Variants in PCDHGB4 observed in about 807,000 individuals in gnomAD.
PCDHGB4 encodes the protein protocadherin gamma-B4.
PCDHGB4 carries 38 observed loss-of-function variants against 60.5 expected under a neutral mutation model. That is an observed-to-expected ratio of 0.63 (90% CI 0.48 to 0.82). PCDHGB4 has a LOEUF of 0.82. Ranked by LOEUF, PCDHGB4 falls within the 40% of genes least tolerant of loss-of-function variation. The pLI, the probability that PCDHGB4 is intolerant of heterozygous loss-of-function variation, is 0.00. For missense variants in PCDHGB4, 1,109 were observed against 1,209.6 expected (o/e 0.92, Z 1.23); for synonymous variants, 456 against 509.7 (o/e 0.89, Z 1.42).
At chr5:141,473,942 G>A (rs1419813166) in intron 1 of PCDHGB4, among the ~76,000 whole-genome samples, 3 of 152,124 alleles carry the variant, frequency 2.0e-5, no homozygotes, top group Non-Finnish European at 2.9e-5. Flanking sequence ...AGTAGCTCAG[G>A]CCTGTAGTCC....
At position 141,477,498 on chromosome 5, in the gene PCDHGB4, C is replaced by T. The variant is rs754212608; in HGVS notation, c.2398-17309C>T. ...AACCCTCCACAATCTTCTCAATCTT[C>T]CTACGACGTTTACATTGAAGAAAAC... On this transcript the variant is annotated intron_variant, in intron 1 of 3. Coordinates refer to ENST00000519479, the MANE Select transcript of PCDHGB4 (RefSeq NM_003736.4). The surrounding 1 kb of genome is among the most constrained non-coding windows in gnomAD (Gnocchi z 4.9). 3.7e-6 allele frequency: 6 copies of T among 1,614,038 alleles called. No individual in the cohort carries two copies. The highest frequency in any genetic ancestry group is 5.1e-6 in the Non-Finnish European group (6 of 1,180,038).
intron 2 of PCDHGB4, among the ~76,000 whole-genome samples, chr5:141,498,949 AAGAG>A (rs1417276243): frequency 1.3e-4 from 18 of 133,552 alleles, no homozygotes; most frequent in African/African-American, 1.9e-4. Context: ...AAGAAAGAAA[AAGAG>A]AGAGAGGGAG....
rs545261528 is a variant in PCDHGB4 at position 141,404,038 on chromosome 5, G to C, written c.2397+13757G>C. 4.3e-6 allele frequency: 7 copies of C among 1,613,858 alleles called. No individual in the cohort carries two copies. The African/African-American group carries it at 8.0e-5, about 18-fold the overall frequency. ...GCCCAGTGAGAGAAGACGCACCTCA[G>C]GGAACAGTAATTCTTCTTTTCAATG... On this transcript the variant is annotated intron_variant, in intron 1 of 3. Coordinates refer to ENST00000519479, the MANE Select transcript of PCDHGB4 (RefSeq NM_003736.4).
At chr5:141,418,577 C>T (rs1173424447) in intron 1 of PCDHGB4, 2 of 1,614,038 alleles carry the variant, frequency 1.2e-6, no homozygotes, top group South Asian at 1.1e-5. Context: ...TGACAACCCC[C>T]CAGTGTTCAG....
rs764579211 is a variant in PCDHGB4 at position 141,489,393 on chromosome 5, T to C, written c.2398-5414T>C. 1.9e-5 allele frequency: 30 copies of C among 1,614,098 alleles called. No individual in the cohort carries two copies. In the South Asian group the frequency reaches 3.3e-4, roughly 18 times the overall value. On this transcript the variant is annotated intron_variant, in intron 1 of 3. Coordinates refer to ENST00000519479, the MANE Select transcript of PCDHGB4 (RefSeq NM_003736.4). The surrounding 1 kb of genome is among the most constrained non-coding windows in gnomAD (Gnocchi z 4.5). ...CGCTGGTGGGGAATGTTGCTCAGGA[T>C]CTGGGCTTAAAGATGACAGATCTGT...
chr5:141,457,708 T>C (rs1160977721), intron 1 of PCDHGB4, among the ~76,000 whole-genome samples: 1 of 152,260 alleles, frequency 6.6e-6, no homozygotes, highest in Admixed American at 6.5e-5. Context: ...GATGAAACAC[T>C]GTTCCACAAG....
rs1421246315 is a variant in PCDHGB4 at position 141,491,880 on chromosome 5, G to A, written c.2398-2927G>A. The A allele has an allele frequency of 1.1e-5, 16 of 1,449,714 alleles. No homozygotes were observed. The highest frequency in any genetic ancestry group is 1.5e-5 in the Non-Finnish European group (16 of 1,096,892). 89.8% of individuals were successfully genotyped at this position (1,449,714 alleles called of 1,614,324 possible). A position where few individuals can be genotyped will look rare whatever the true frequency, so the allele number is the denominator to read the frequency against. ...GCGAAACCAGAGTGGCCGATTAAGGGATGGGGCTCCGAGCACCGGGGGTGG... is the reference window on the plus strand; with the variant it reads ...GCGAAACCAGAGTGGCCGATTAAGGAATGGGGCTCCGAGCACCGGGGGTGG... On this transcript the variant is annotated intron_variant, in intron 1 of 3. Coordinates refer to ENST00000519479, the MANE Select transcript of PCDHGB4 (RefSeq NM_003736.4). The surrounding 1 kb of genome is among the most constrained non-coding windows in gnomAD (Gnocchi z 6.9).
In PCDHGB4 at chr5:141,414,961, G is replaced by A. The variant is rs1357376957; in HGVS notation, c.2397+24680G>A. Reference sequence around the variant, plus strand: ...GCCCGGCTACCTGGTGACCAAGGTGGTGGCGGTGGACAGAGACTCCGGCCA... The same window carrying A: ...GCCCGGCTACCTGGTGACCAAGGTGATGGCGGTGGACAGAGACTCCGGCCA... On this transcript the variant is annotated intron_variant, in intron 1 of 3. Transcript: ENST00000519479. 2.5e-6 allele frequency: 4 copies of A among 1,614,028 alleles called. No individual in the cohort carries two copies. In the Admixed American group the frequency reaches 6.7e-5, roughly 27 times the overall value.
Position 141,424,520 on chromosome 5 carries a change from A to T in PCDHGB4, c.2397+34239A>T, listed in dbSNP as rs527395935. ...GTATGGAAGGTTTTTTAATGTAGTA[A>T]ATCCATATATAGAAATAACTTGATT... is the stretch of plus-strand genomic sequence containing the variant. On this transcript the variant is annotated intron_variant, in intron 1 of 3. Coordinates refer to ENST00000519479, the MANE Select transcript of PCDHGB4 (RefSeq NM_003736.4). 15 of 152,286 alleles carry T rather than the reference A, an allele frequency of 9.8e-5. No individual in the cohort carries two copies. In the East Asian group the frequency reaches 2.9e-3, roughly 29 times the overall value. The allele number at this position is 152,286 out of a possible 1,614,324, so 9.4% of individuals were successfully genotyped here. A position where few individuals can be genotyped will look rare whatever the true frequency, so the allele number is the denominator to read the frequency against.
chr5:141,427,887 C>A (rs759734297), intron 1 of PCDHGB4: 2 of 1,565,908 alleles, frequency 1.3e-6, no homozygotes, highest in Admixed American at 1.7e-5. Flanking sequence ...GGCCCACGAC[C>A]AGGGCTCGCC....
intron 1 of PCDHGB4, chr5:141,417,045 A>G (rs890407837): frequency 7.2e-5 from 11 of 152,144 alleles, no homozygotes; most frequent in Admixed American, 1.3e-4. Context: ...TTTTAAAAAA[A>G]ACTGCTCTTG....
chr5:141,494,948 G>C (rs909146), intron 2 of PCDHGB4, 83 bp downstream of exon 2: 1 of 1,608,226 alleles, frequency 6.2e-7, no homozygotes, highest in South Asian at 1.1e-5. Flanking sequence ...GGAGGGCCCA[G>C]CATTTGCTAC....
At chr5:141,421,522 A>G in intron 1 of PCDHGB4, 1 of 1,614,068 alleles carries the variant, frequency 6.2e-7, no homozygotes, top group Non-Finnish European at 8.5e-7. Context: ...GCTCTGTGAG[A>G]CGGTGTCCTC....
At chr5:141,435,593 G>A (rs183768133) in intron 1 of PCDHGB4, among the ~76,000 whole-genome samples, 9 of 152,112 alleles carry the variant, frequency 5.9e-5, no homozygotes, top group Admixed American at 2.6e-4. Flanking sequence ...CAGTAATATC[G>A]CCTGCTTTTT....
intron 2 of PCDHGB4, 54 bp from the exon 3 acceptor site, chr5:141,505,339 G>A: frequency 1.2e-6 from 2 of 1,612,236 alleles, no homozygotes; most frequent in Middle Eastern, 3.4e-4. Flanking sequence ...GACAGGAGGG[G>A]CATGAGCTGT....
chr5:141,432,706 C>G lies in PCDHGB4; in HGVS notation c.2397+42425C>G, dbSNP rs761752571. The G allele has an allele frequency of 6.2e-7, 1 of 1,613,988 alleles. No homozygotes were observed. Among genetic ancestry groups the G allele is most frequent in the African/African-American group, 1.3e-5 (1 of 75,072 alleles). Reference sequence around the variant, plus strand: ...GCCTCGTAGTGGCCGTCCAGGACCACGGCCAGCCCCCTCTCTCCGCCACTG... The same window carrying G: ...GCCTCGTAGTGGCCGTCCAGGACCAGGGCCAGCCCCCTCTCTCCGCCACTG... On this transcript the variant is annotated intron_variant, in intron 1 of 3. Transcript: ENST00000519479. The surrounding 1 kb of genome is among the most constrained non-coding windows in gnomAD (Gnocchi z 6.0).
chr5:141,469,410 A>G (rs2099200490), intron 1 of PCDHGB4, among the ~76,000 whole-genome samples: 1 of 152,128 alleles, frequency 6.6e-6, no homozygotes, highest in Non-Finnish European at 1.5e-5. Context: ...CCCCGTTTCT[A>G]CTAAAAATAT....
intron 1 of PCDHGB4, chr5:141,396,593 C>T (rs940440050): frequency 6.0e-5 from 9 of 151,044 alleles, no homozygotes; most frequent in Non-Finnish European, 1.2e-4. Flanking sequence ...GCACTCCAGC[C>T]TGGGCAACAG....
intron 1 of PCDHGB4, chr5:141,409,742 G>T (rs763304955): frequency 5.0e-6 from 8 of 1,612,988 alleles, no homozygotes; most frequent in African/African-American, 1.3e-5. Flanking sequence ...GAGCGGGGTG[G>T]TGTTCGCGCA....
Sources: gnomAD v4.1 joint callset for allele counts (sites outside exome capture counted in the v4.1 genomes callset) on GRCh38, gnomAD v4.1.1 for gene constraint, Gnocchi (gnomAD v3.1) non-coding constraint, MANE v1.5 for transcripts, NCBI Gene and HGNC (gene_info 2026-07-23, HGNC 2026-07-21) for gene names.